NEK10: variants seen among roughly 807,000 people sequenced by gnomAD.
NEK10 encodes the protein NIMA related kinase 10, also known as serine/threonine-protein kinase Nek10.
In NEK10, 122 loss-of-function variants were observed where a neutral mutation model predicts 159.8. The observed-to-expected ratio is 0.76, with a 90% confidence interval of 0.66 to 0.89. The LOEUF (loss-of-function observed/expected upper bound fraction) is 0.89. Among genes scored for constraint, NEK10 ranks in the 40% least tolerant of loss-of-function variants. The pLI is 0.00. For synonymous variants in NEK10, 466 were observed against 457.1 expected, an observed-to-expected ratio of 1.02 and a Z score of -0.25; for missense variants, 1,342 against 1,323.1, an observed-to-expected ratio of 1.01 and a Z score of -0.22.
At chr3:27,125,716 C>T (rs1391281503) in intron 32 of NEK10, among the ~76,000 whole-genome samples, 1 of 152,088 alleles carries the variant, frequency 6.6e-6, no homozygotes, top group Non-Finnish European at 1.5e-5. Context: ...ATCACTGGCT[C>T]CACCACACTT....
chr3:27,154,488 T>C (rs1273553041), intron 30 of NEK10, among the ~76,000 whole-genome samples: 1 of 152,032 alleles, frequency 6.6e-6, no homozygotes, highest in Non-Finnish European at 1.5e-5. Context: ...GGATAGGACA[T>C]AATCAAAAAA....
chr3:27,312,045 C>A, intron 8 of NEK10, 54 bp downstream of exon 8: 2 of 1,129,808 alleles, frequency 1.8e-6, no homozygotes, highest in Non-Finnish European at 1.3e-6. Context: ...AAACACCATA[C>A]TGCTTTTTCT....
At chr3:27,344,985 C>T (rs1219522507) in intron 4 of NEK10, among the ~76,000 whole-genome samples, 2 of 152,098 alleles carry the variant, frequency 1.3e-5, no homozygotes, top group Non-Finnish European at 1.5e-5. Flanking sequence ...GATCTTACAG[C>T]CCACCAAAGA....
intron 26 of NEK10, among the ~76,000 whole-genome samples, chr3:27,188,227 T>G: frequency 6.6e-6 from 1 of 152,226 alleles, no homozygotes; most frequent in East Asian, 1.9e-4. Context: ...TAGGCCTCAT[T>G]AATTCATTTC....
chr3:27,324,359 A>G (rs1428710965), intron 5 of NEK10, among the ~76,000 whole-genome samples: 1 of 152,190 alleles, frequency 6.6e-6, no homozygotes, highest in Non-Finnish European at 1.5e-5. Flanking sequence ...CCCAGACTGA[A>G]ACTAGAACCC....
intron 26 of NEK10, among the ~76,000 whole-genome samples, chr3:27,188,384 C>T (rs1015968088): frequency 6.6e-6 from 1 of 152,110 alleles, no homozygotes. Context: ...TTCACTATAC[C>T]AAGCATAATG....
chr3:27,267,712 T>A (rs906412022), intron 22 of NEK10, among the ~76,000 whole-genome samples: 1 of 152,028 alleles, frequency 6.6e-6, no homozygotes, highest in Non-Finnish European at 1.5e-5. Context: ...AGCCTCCTTA[T>A]CCCCCTAGAC....
chr3:27,213,822 T>G (rs1951238312), intron 23 of NEK10, among the ~76,000 whole-genome samples: 1 of 145,652 alleles, frequency 6.9e-6, no homozygotes, highest in Non-Finnish European at 1.5e-5. Flanking sequence ...CCAAAATATA[T>G]TCCTTTGACA....
rs551028798 is a variant in NEK10 at position 27,339,367 on chromosome 3, C to A, written c.362+4905G>T. On this transcript the variant is annotated intron_variant, in intron 5 of 35. Coordinates refer to ENST00000691995, the MANE Select transcript of NEK10 (RefSeq NM_001394966.1). ...AAATTTACAAGAAAAAAACAAACAA[C>A]CCTATCAAAAAATGGGCAAAGGATA... Among the ~76,000 whole-genome samples the A allele has an allele frequency of 1.1e-4, 16 of 152,192 alleles. 1 individual carries two copies. The East Asian group carries it at 2.9e-3, about 28-fold the overall frequency.
chr3:27,129,302 TC>T (rs751331337), intron 32 of NEK10, among the ~76,000 whole-genome samples: 30 of 152,168 alleles, frequency 2.0e-4, no homozygotes, highest in Admixed American at 1.7e-3. Context: ...CCATAATGGC[TC>T]CTTCAAACTA....
At chr3:27,189,189 A>G (rs1263404016) in intron 26 of NEK10, among the ~76,000 whole-genome samples, 1 of 152,166 alleles carries the variant, frequency 6.6e-6, no homozygotes, top group African/African-American at 2.4e-5. Context: ...GGTAAACCAC[A>G]GTACATAGAG....
At chr3:27,151,438 C>T (rs1944861200) in intron 30 of NEK10, among the ~76,000 whole-genome samples, 1 of 152,168 alleles carries the variant, frequency 6.6e-6, no homozygotes, top group Admixed American at 6.5e-5. Context: ...CAGGAGGCCA[C>T]ATCCATAGGA....
intron 25 of NEK10, among the ~76,000 whole-genome samples, chr3:27,199,967 G>A (rs926158662): frequency 3.3e-5 from 5 of 152,132 alleles, no homozygotes; most frequent in African/African-American, 1.2e-4. Context: ...GGATGGTGGA[G>A]GGCAGGAGGA....
chr3:27,322,285 A>ATG, intron 5 of NEK10, 24 bp from the exon 6 acceptor site: 1 of 1,387,576 alleles, frequency 7.2e-7, no homozygotes, highest in Non-Finnish European at 1.0e-6. Flanking sequence ...ACAAGAGAAC[A>ATG]TGTTCACGTT....
At position 27,164,959 on chromosome 3, in the gene NEK10, G is replaced by C. The variant is rs115321961; in HGVS notation, c.2832-2221C>G. Among the ~76,000 whole-genome samples, 409 of 152,286 alleles carry C rather than the reference G, an allele frequency of 2.7e-3. 3 individuals carry two copies. The highest frequency in any genetic ancestry group is 9.7e-3 in the African/African-American group (402 of 41,558). ...CATAATGTGTGCTAGTGGGATATGT[G>C]ACATAGAACACCCTGACAATGCTGA... On this transcript the variant is annotated intron_variant, in intron 29 of 35. Coordinates refer to ENST00000691995, the MANE Select transcript of NEK10 (RefSeq NM_001394966.1).
At chr3:27,242,957 C>A (rs1954712755) in intron 23 of NEK10, among the ~76,000 whole-genome samples, 1 of 152,152 alleles carries the variant, frequency 6.6e-6, no homozygotes, top group African/African-American at 2.4e-5. Context: ...ATAAAGTTAA[C>A]ATTTTAAAAT....
At chr3:27,334,785 A>T (rs1046894770) in intron 5 of NEK10, among the ~76,000 whole-genome samples, 1 of 152,216 alleles carries the variant, frequency 6.6e-6, no homozygotes, top group Non-Finnish European at 1.5e-5. Context: ...AGTGACTATT[A>T]TACCAGATGT....
chr3:27,282,703 T>TTA (rs368212829), intron 22 of NEK10, among the ~76,000 whole-genome samples: 22 of 137,358 alleles, frequency 1.6e-4, no homozygotes, highest in African/African-American at 4.8e-4. Flanking sequence ...CATAACTGTG[T>TTA]TATATATATA....
intron 30 of NEK10, among the ~76,000 whole-genome samples, chr3:27,152,247 C>A (rs1944955080): frequency 6.6e-6 from 1 of 152,156 alleles, no homozygotes; most frequent in South Asian, 2.1e-4. Context: ...GAGGCAGAAG[C>A]ACCAGGTAAC....
Sources: gnomAD v4.1 joint callset for allele counts (sites outside exome capture counted in the v4.1 genomes callset) on GRCh38, gnomAD v4.1.1 for gene constraint, MANE v1.5 for transcripts, NCBI Gene and HGNC (gene_info 2026-07-23, HGNC 2026-07-21) for gene names.